Variants in MAMLD1 observed in about 807,000 individuals in gnomAD.
MAMLD1 encodes mastermind like domain containing 1.
A neutral mutation model predicts 45.0 loss-of-function variants in MAMLD1; 14 were observed. That is an observed-to-expected ratio of 0.31 (90% CI 0.21 to 0.49). The LOEUF (loss-of-function observed/expected upper bound fraction) is 0.49, where lower values mean the gene tolerates loss of function less well. MAMLD1 is among the 20% of genes least tolerant of loss of function. The probability of loss-of-function intolerance (pLI) is 0.99; values close to 1 mark genes in which losing one functional copy is unlikely to be tolerated. For missense variants in MAMLD1, 543 were observed against 603.6 expected, an observed-to-expected ratio of 0.90 and a Z score of 1.05; for synonymous variants, 254 against 247.8, an observed-to-expected ratio of 1.02 and a Z score of -0.24.
intron 2 of MAMLD1, among the ~76,000 whole-genome samples, chrX:150,456,724 G>A (rs1445117826): frequency 1.8e-5 from 2 of 112,435 alleles, no homozygotes; most frequent in Non-Finnish European, 3.8e-5. Context: ...GTCTCTTGCT[G>A]CTTCTGGCCA....
chrX:150,456,796 C>A (rs1178190909), intron 2 of MAMLD1, among the ~76,000 whole-genome samples: 3 of 112,332 alleles, frequency 2.7e-5, no homozygotes, highest in African/African-American at 9.7e-5. Context: ...GGGGAGCATA[C>A]GAGGAGCTCA....
At chrX:150,426,378 C>T (rs782051513) in intron 1 of MAMLD1, among the ~76,000 whole-genome samples, 6 of 111,871 alleles carry the variant, frequency 5.4e-5, no homozygotes, top group South Asian at 3.7e-4. Context: ...TTCCCAACAT[C>T]CAGGCCGGAA....
Position 150,402,840 on chromosome X carries a change from T to C in MAMLD1, c.-64+39310T>C, listed in dbSNP as rs200086808. ...CGCAAGAACAAAAAACCAAACACCGTATGTTCTCACTCATAGGTGGGAATT... is the reference window on the plus strand; with the variant it reads ...CGCAAGAACAAAAAACCAAACACCGCATGTTCTCACTCATAGGTGGGAATT... On this transcript the variant is annotated intron_variant, in intron 1 of 7. Transcript: ENST00000370401. 5.7e-3 allele frequency among the ~76,000 whole-genome samples: 625 copies of C among 109,975 alleles called. 3 individuals carry two copies. Among genetic ancestry groups the C allele is most frequent in the African/African-American group, 0.014 (423 of 30,169 alleles).
chrX:150,502,992 C>G lies in MAMLD1; in HGVS notation c.2041-282C>G, dbSNP rs782315674. ...ATGGGTATTAAGTGGTCCAGAAAAC[C>G]CCCCCAAATTAGATGTAAAATGTTG... On this transcript the variant is annotated intron_variant, in intron 5 of 7. Coordinates refer to ENST00000370401, the MANE Select transcript of MAMLD1 (RefSeq NM_005491.5). 6.3e-5 allele frequency among the ~76,000 whole-genome samples: 7 copies of G among 111,884 alleles called. No homozygotes were observed. In the East Asian group the frequency reaches 2.0e-3, roughly 31 times the overall value.
Position 150,512,182 on chromosome X carries a change from G to A in MAMLD1, c.*223G>A. 1 of 1,140,607 alleles carries A rather than the reference G, an allele frequency of 8.8e-7. No individual in the cohort carries two copies. The highest frequency in any genetic ancestry group is 3.3e-5 in the East Asian group (1 of 30,540). 94.0% of individuals were successfully genotyped at this position (1,140,607 alleles called of 1,213,427 possible). On this transcript the variant is annotated 3_prime_UTR_variant, in exon 8 of 8. Transcript: ENST00000370401. ...GAGTGATCTCACCAACTCTGGGGAA[G>A]CGGCAAGGAATTTTCACCTCCAGCC...
intron 1 of MAMLD1, among the ~76,000 whole-genome samples, chrX:150,397,616 C>T (rs2033471486): frequency 9.0e-6 from 1 of 111,541 alleles, no homozygotes; most frequent in African/African-American, 3.3e-5. Flanking sequence ...TTCATCCCAC[C>T]TACCCATTTA....
chrX:150,434,600 G>A (rs782665198), intron 1 of MAMLD1, among the ~76,000 whole-genome samples: 11 of 111,411 alleles, frequency 9.9e-5, no homozygotes, highest in South Asian at 7.6e-4. Flanking sequence ...CAGGGATTCT[G>A]GTATGTTGTA....
chrX:150,367,009 A>C (rs1021128674), intron 1 of MAMLD1, among the ~76,000 whole-genome samples: 4 of 95,998 alleles, frequency 4.2e-5, no homozygotes, highest in Non-Finnish European at 8.0e-5. Flanking sequence ...ATCTCCTTAA[A>C]AATCATCCTC....
intron 1 of MAMLD1, among the ~76,000 whole-genome samples, chrX:150,430,019 C>CTTTTTTTTTTTTTTTTTTTTTTTTTTTT (rs1174092962): frequency 2.8e-4 from 14 of 49,228 alleles, no homozygotes; most frequent in East Asian, 8.2e-4. Context: ...TCTTTCTTTT[C>CTTTTTTTTTTTTTTTTTTTTTTTTTTTT]TTTTTTTTTT....
chrX:150,366,146 A>G (rs1361789289), intron 1 of MAMLD1, among the ~76,000 whole-genome samples: 1 of 111,396 alleles, frequency 9.0e-6, no homozygotes, highest in Non-Finnish European at 1.9e-5. Flanking sequence ...AAGCGAAGTC[A>G]GATTCCACCC....
chrX:150,470,389 G>A lies in MAMLD1; in HGVS notation c.816G>A (p.Val272=), dbSNP rs1329508824. The A allele has an allele frequency of 2.3e-5, 28 of 1,209,953 alleles. No individual in the cohort carries two copies. The highest frequency in any genetic ancestry group is 3.0e-5 in the Non-Finnish European group (27 of 895,058). The change falls in exon 4 of 8, where the codon GTG becomes GTA. Residue 272 remains valine (V), a synonymous_variant. Coordinates refer to ENST00000370401, the MANE Select transcript of MAMLD1 (RefSeq NM_005491.5). ...TTCCTTCCACCAGTAAGCAGATAGT[G>A]TCACCGAGTTCTTCAATGGCACAGT... is the stretch of plus-strand genomic sequence containing the variant. ...YSIPSTSKQI[V]SPSSSMAQSK... is the part of the protein sequence containing the mutation.
chrX:150,489,811 G>A (rs1277340145), intron 5 of MAMLD1, among the ~76,000 whole-genome samples: 2 of 110,806 alleles, frequency 1.8e-5, no homozygotes, highest in Non-Finnish European at 3.8e-5. Flanking sequence ...TGTACTGGGG[G>A]AAATGCCTGT....
At chrX:150,472,508 G>A (rs782255365) in intron 4 of MAMLD1, among the ~76,000 whole-genome samples, 1 of 112,221 alleles carries the variant, frequency 8.9e-6, no homozygotes. Context: ...GCAGTTCCTT[G>A]CAGGTTGTTG....
chrX:150,505,381 T>C (rs1432159171), intron 6 of MAMLD1, among the ~76,000 whole-genome samples: 4 of 112,333 alleles, frequency 3.6e-5, no homozygotes, highest in Non-Finnish European at 7.5e-5. Context: ...TCTGCTTTGA[T>C]TGATTTACTT....
rs1193573315 is a variant in MAMLD1 at position 150,402,525 on chromosome X, G to A, written c.-64+38995G>A. Among the ~76,000 whole-genome samples, 4 of 111,668 alleles carry A rather than the reference G, an allele frequency of 3.6e-5. No individual in the cohort carries two copies. In the East Asian group the frequency reaches 1.1e-3, roughly 31 times the overall value. On this transcript the variant is annotated intron_variant, in intron 1 of 7. Coordinates refer to ENST00000370401, the MANE Select transcript of MAMLD1 (RefSeq NM_005491.5). The stretch of plus-strand genomic sequence containing the variant: ...GGAAGTCAGTGTGGCGATTCCTCAG[G>A]GATCTAGAACTAGAAATACCGTTTG...
chrX:150,488,734 A>T (rs6627230), intron 5 of MAMLD1, among the ~76,000 whole-genome samples: 13,901 of 112,769 alleles, frequency 0.12, 829 homozygotes, highest in Middle Eastern at 0.19. Flanking sequence ...TCCCAGGCAC[A>T]GTGGTAGGTT....
At chrX:150,365,803 CG>C (rs1264800040) in intron 1 of MAMLD1, among the ~76,000 whole-genome samples, 1 of 112,713 alleles carries the variant, frequency 8.9e-6, no homozygotes, top group African/African-American at 3.2e-5. Flanking sequence ...TGAGGATGAG[CG>C]TGCTACTCTG....
At chrX:150,405,047 T>C (rs2033962969) in intron 1 of MAMLD1, among the ~76,000 whole-genome samples, 1 of 112,480 alleles carries the variant, frequency 8.9e-6, no homozygotes, top group South Asian at 3.7e-4. Context: ...TACCCAGCAG[T>C]AGAATGCTTG....
At chrX:150,415,306 G>A (rs1348897505) in intron 1 of MAMLD1, among the ~76,000 whole-genome samples, 1 of 112,648 alleles carries the variant, frequency 8.9e-6, no homozygotes, top group African/African-American at 3.2e-5. Context: ...TTTCTTAAAC[G>A]AATATAAAAT....
Sources: allele counts gnomAD v4.1 joint callset (sites outside exome capture counted in the v4.1 genomes callset), GRCh38; gene constraint gnomAD v4.1.1; transcripts MANE v1.5; gene names NCBI Gene and HGNC (gene_info 2026-07-23, HGNC 2026-07-21).